TRDN: variants seen among roughly 807,000 people sequenced by gnomAD.
TRDN encodes triadin.
TRDN carries 161 observed loss-of-function variants against 149.7 expected under a neutral mutation model. The ratio of observed to expected loss-of-function variants is 1.08; its 90% CI spans 0.95 to 1.23. TRDN has a LOEUF of 1.23. TRDN is among the 50% of genes most tolerant of loss of function. The pLI is 0.00. For synonymous variants in TRDN, 294 were observed against 250.5 expected, an observed-to-expected ratio of 1.17 and a Z score of -1.64; for missense variants, 896 against 823.5, an observed-to-expected ratio of 1.09 and a Z score of -1.08.
At chr6:123,534,840 G>C (rs1176591938) in intron 4 of TRDN, among the ~76,000 whole-genome samples, 1 of 152,068 alleles carries the variant, frequency 6.6e-6, no homozygotes, top group African/African-American at 2.4e-5. Flanking sequence ...TAAACATCAT[G>C]ACACCTTTTG....
chr6:123,383,342 T>C (rs964028247), intron 14 of TRDN, among the ~76,000 whole-genome samples: 1 of 152,062 alleles, frequency 6.6e-6, no homozygotes, highest in African/African-American at 2.4e-5. Flanking sequence ...TAGAAACATA[T>C]TTTAGGAAAC....
At chr6:123,501,813 T>C (rs1778711492) in intron 8 of TRDN, 1 of 867,342 alleles carries the variant, frequency 1.2e-6, no homozygotes, top group Non-Finnish European at 1.4e-6. Context: ...ATAAAAATAG[T>C]AGACTGAAAA....
At chr6:123,570,090 C>A (rs994321852) in intron 2 of TRDN, among the ~76,000 whole-genome samples, 3 of 151,974 alleles carry the variant, frequency 2.0e-5, no homozygotes, top group African/African-American at 2.4e-5. Flanking sequence ...ATGTAGAATG[C>A]AATTACTAGT....
intron 8 of TRDN, among the ~76,000 whole-genome samples, chr6:123,499,717 A>ATATAT (rs1204448159): frequency 9.0e-5 from 5 of 55,728 alleles, no homozygotes; most frequent in African/African-American, 2.7e-4. Flanking sequence ...AAAAAAAAAA[A>ATATAT]AAATATATAT....
chr6:123,233,120 T>C (rs1478904029), intron 38 of TRDN, among the ~76,000 whole-genome samples: 1 of 152,084 alleles, frequency 6.6e-6, no homozygotes, highest in Admixed American at 6.6e-5. Context: ...CTCCAAATTA[T>C]TTTCTCAACT....
intron 10 of TRDN, among the ~76,000 whole-genome samples, chr6:123,463,859 G>T (rs1049671266): frequency 6.6e-6 from 1 of 151,608 alleles, no homozygotes; most frequent in Non-Finnish European, 1.5e-5. Flanking sequence ...CCTCTTCCTG[G>T]ATGAATCCTC....
intron 8 of TRDN, among the ~76,000 whole-genome samples, chr6:123,499,149 T>A (rs542301146): frequency 2.0e-4 from 30 of 152,228 alleles, no homozygotes; most frequent in African/African-American, 7.0e-4. Flanking sequence ...TGACAGCAAA[T>A]AAGAGTGTTT....
chr6:123,585,281 C>T (rs1783403104), intron 1 of TRDN, among the ~76,000 whole-genome samples: 2 of 151,798 alleles, frequency 1.3e-5, no homozygotes, highest in African/African-American at 4.8e-5. Flanking sequence ...GGGAACTGGG[C>T]AGGTGGGGAT....
chr6:123,500,013 T>A (rs562160018), intron 8 of TRDN, among the ~76,000 whole-genome samples: 2 of 151,882 alleles, frequency 1.3e-5, no homozygotes, highest in African/African-American at 4.8e-5. Flanking sequence ...ACAGATACTG[T>A]GGGACAACTG....
intron 8 of TRDN, among the ~76,000 whole-genome samples, chr6:123,499,719 A>AAAAAAAAAAAAAAAAAAT: frequency 6.3e-5 from 3 of 47,678 alleles, no homozygotes; most frequent in Non-Finnish European, 9.0e-5. Flanking sequence ...AAAAAAAAAA[A>AAAAAAAAAAAAAAAAAAT]ATATATATAT....
intron 5 of TRDN, among the ~76,000 whole-genome samples, chr6:123,522,312 G>A (rs1358407361): frequency 6.6e-6 from 1 of 152,002 alleles, no homozygotes; most frequent in East Asian, 1.9e-4. Context: ...TTTCTGATTT[G>A]TTCTGTTCTA....
At chr6:123,260,462 T>C (rs1276138035) in intron 34 of TRDN, 150 bp downstream of exon 34, 4 of 727,640 alleles carry the variant, frequency 5.5e-6, no homozygotes, top group Non-Finnish European at 8.1e-6. Context: ...TAACAAGCCT[T>C]TTGGGAAGTC....
At chr6:123,493,661 C>T (rs961262771) in intron 9 of TRDN, among the ~76,000 whole-genome samples, 4 of 152,084 alleles carry the variant, frequency 2.6e-5, no homozygotes, top group Non-Finnish European at 5.9e-5. Flanking sequence ...TCTAGCTAAA[C>T]AATACAGGTG....
chr6:123,268,663 A>T (rs1777097789), intron 31 of TRDN, among the ~76,000 whole-genome samples: 1 of 151,954 alleles, frequency 6.6e-6, no homozygotes, highest in African/African-American at 2.4e-5. Flanking sequence ...ATGCACCAAC[A>T]CTGAAGTAGG....
intron 23 of TRDN, among the ~76,000 whole-genome samples, chr6:123,330,682 G>C (rs140755969): frequency 1.3e-5 from 2 of 151,972 alleles, no homozygotes; most frequent in Non-Finnish European, 2.9e-5. Context: ...AAAAAATCAT[G>C]TTGTGTTCTT....
At chr6:123,238,005 A>C (rs1582758675) in intron 38 of TRDN, among the ~76,000 whole-genome samples, 1 of 152,204 alleles carries the variant, frequency 6.6e-6, no homozygotes, top group East Asian at 1.9e-4. Flanking sequence ...AAGATGCTTA[A>C]AAGTGTATAA....
intron 10 of TRDN, among the ~76,000 whole-genome samples, chr6:123,458,413 C>T (rs1005382296): frequency 1.3e-5 from 2 of 152,122 alleles, no homozygotes; most frequent in African/African-American, 2.4e-5. Context: ...TGGGATGGGC[C>T]TTGTCTAATC....
intron 24 of TRDN, among the ~76,000 whole-genome samples, chr6:123,287,765 T>C (rs1777853045): frequency 6.6e-6 from 1 of 152,080 alleles, no homozygotes; most frequent in Non-Finnish European, 1.5e-5. Context: ...AAATCAAATT[T>C]ATATAAGAAA....
chr6:123,287,810 T>C (rs1777854707), intron 24 of TRDN, among the ~76,000 whole-genome samples: 1 of 152,076 alleles, frequency 6.6e-6, no homozygotes, highest in South Asian at 2.1e-4. Context: ...ATAATAGACT[T>C]GATGTTCTAA....
Sources: gnomAD v4.1 joint callset for allele counts (sites outside exome capture counted in the v4.1 genomes callset) on GRCh38, gnomAD v4.1.1 for gene constraint, MANE v1.5 for transcripts, NCBI Gene and HGNC (gene_info 2026-07-23, HGNC 2026-07-21) for gene names.